GALNT13: variants seen among roughly 807,000 people sequenced by gnomAD.
GALNT13 encodes UDP-GalNAc:polypeptide N-acetylgalactosaminyltransferase 13.
A neutral mutation model predicts 64.2 loss-of-function variants in GALNT13; 28 were observed. That is an observed-to-expected ratio of 0.44 (90% CI 0.32 to 0.60). The LOEUF (loss-of-function observed/expected upper bound fraction) is 0.60, where lower values mean the gene tolerates loss of function less well. GALNT13 is among the 20% of genes least tolerant of loss of function. The probability of loss-of-function intolerance (pLI) is 0.05; values close to 1 mark genes in which losing one functional copy is unlikely to be tolerated. For missense variants in GALNT13, 577 were observed against 669.8 expected (o/e 0.86, Z 1.53); for synonymous variants, 214 against 224.6 (o/e 0.95, Z 0.42).
chr2:153,492,428 T>A, the GALNT13 span, among the ~76,000 whole-genome samples: 1 of 152,194 alleles, frequency 6.6e-6, no homozygotes, highest in African/African-American at 2.4e-5. Flanking sequence ...TGAAGAACAT[T>A]AGCTACAACT....
chr2:153,225,553 TTCAG>T, the GALNT13 span, among the ~76,000 whole-genome samples: 1 of 152,142 alleles, frequency 6.6e-6, no homozygotes, highest in African/African-American at 2.4e-5. Flanking sequence ...AAAGTTTATT[TTCAG>T]ATGACATGAT....
the GALNT13 span, among the ~76,000 whole-genome samples, chr2:153,374,903 C>A: frequency 1.3e-5 from 2 of 152,162 alleles, no homozygotes; most frequent in Admixed American, 6.6e-5. Flanking sequence ...ATTACCAATT[C>A]TCAGATATTG....
the GALNT13 span, among the ~76,000 whole-genome samples, chr2:153,732,430 C>T: frequency 6.6e-6 from 1 of 151,926 alleles, no homozygotes; most frequent in Non-Finnish European, 1.5e-5. Context: ...GGATCAGTTA[C>T]CACCACAGTT....
chr2:154,126,703 C>T (rs1239687674), intron 3 of GALNT13, among the ~76,000 whole-genome samples: 1 of 151,656 alleles, frequency 6.6e-6, no homozygotes, highest in African/African-American at 2.4e-5. Flanking sequence ...GGTAAATCCA[C>T]AATCTTGAGA....
the GALNT13 span, among the ~76,000 whole-genome samples, chr2:153,370,056 T>C: frequency 6.6e-6 from 1 of 152,186 alleles, no homozygotes; most frequent in African/African-American, 2.4e-5. Flanking sequence ...AATAAGGAGA[T>C]ACTACAAAGA....
At chr2:153,541,273 A>G in the GALNT13 span, among the ~76,000 whole-genome samples, 4 of 152,072 alleles carry the variant, frequency 2.6e-5, no homozygotes, top group Non-Finnish European at 4.4e-5. Flanking sequence ...TGAAGGAAGG[A>G]TGTGTTTGCT....
At chr2:153,394,814 A>G in the GALNT13 span, among the ~76,000 whole-genome samples, 5 of 152,168 alleles carry the variant, frequency 3.3e-5, no homozygotes, top group Non-Finnish European at 7.4e-5. Context: ...TAGAGAAAAC[A>G]AATTAATTAC....
the GALNT13 span, among the ~76,000 whole-genome samples, chr2:153,167,233 T>G: frequency 6.6e-6 from 1 of 152,334 alleles, no homozygotes; most frequent in Non-Finnish European, 1.5e-5. Context: ...ATATGTGGTA[T>G]CCATCCCAAC....
the GALNT13 span, among the ~76,000 whole-genome samples, chr2:153,497,242 A>C: frequency 6.6e-6 from 1 of 152,094 alleles, no homozygotes; most frequent in Non-Finnish European, 1.5e-5. Context: ...TAGTTGATAA[A>C]TGTTGCTCGA....
At chr2:153,324,552 G>GGGCA in the GALNT13 span, among the ~76,000 whole-genome samples, 1 of 152,172 alleles carries the variant, frequency 6.6e-6, no homozygotes. Flanking sequence ...TGGTGAGATA[G>GGGCA]GGCATCCTTC....
chr2:154,264,470 A>C lies in GALNT13; in HGVS notation c.975+5332A>C, dbSNP rs1432425898. Among the ~76,000 whole-genome samples, 7 of 36,426 alleles carry C rather than the reference A, an allele frequency of 1.9e-4. No individual in the cohort carries two copies. In the East Asian group the frequency reaches 0.031, roughly 161 times the overall value. 23.9% of individuals were successfully genotyped at this position (36,426 alleles called of 152,430 possible). Reference sequence around the variant, plus strand: ...ACTCTGTCCTTACTAAAAATACAAAAAAAAAAAAAAAAAAAAATTAGCTGG... The same window carrying C: ...ACTCTGTCCTTACTAAAAATACAAACAAAAAAAAAAAAAAAAATTAGCTGG... On this transcript the variant is annotated intron_variant, in intron 8 of 12. Transcript: ENST00000392825.
chr2:154,286,786 T>C, intron 8 of GALNT13: 1 of 326,646 alleles, frequency 3.1e-6, no homozygotes. Context: ...GAAACCAATT[T>C]TCTTTAACTG....
chr2:153,247,077 T>C, the GALNT13 span, among the ~76,000 whole-genome samples: 1 of 152,136 alleles, frequency 6.6e-6, no homozygotes, highest in African/African-American at 2.4e-5. Flanking sequence ...AAGGGATCAA[T>C]GCAACAAGAG....
chr2:153,655,512 G>T, the GALNT13 span, among the ~76,000 whole-genome samples: 1 of 152,006 alleles, frequency 6.6e-6, no homozygotes, highest in Non-Finnish European at 1.5e-5. Context: ...CCAATAAATC[G>T]ATCCAAACCA....
chr2:153,421,229 C>G, the GALNT13 span: 1 of 180,966 alleles, frequency 5.5e-6, no homozygotes, highest in African/African-American at 2.4e-5. Flanking sequence ...GAAGAGGGTA[C>G]CAGGTCGGTC....
At chr2:153,523,110 A>T in the GALNT13 span, among the ~76,000 whole-genome samples, 1 of 144,324 alleles carries the variant, frequency 6.9e-6, no homozygotes, top group Non-Finnish European at 1.5e-5. Context: ...TGTTGAAAAG[A>T]TTCTCCTTTC....
the GALNT13 span, among the ~76,000 whole-genome samples, chr2:153,693,264 CTT>C: frequency 6.6e-6 from 1 of 152,268 alleles, no homozygotes; most frequent in East Asian, 1.9e-4. Context: ...ACAATACAGA[CTT>C]TTGAATTTTG....
chr2:154,245,167 C>A (rs915856628), intron 6 of GALNT13, among the ~76,000 whole-genome samples: 2 of 150,710 alleles, frequency 1.3e-5, no homozygotes, highest in Admixed American at 1.3e-4. Context: ...ATTAAAGTTG[C>A]TTATCTTTCC....
chr2:153,302,295 T>C, the GALNT13 span, among the ~76,000 whole-genome samples: 1 of 152,168 alleles, frequency 6.6e-6, no homozygotes, highest in Non-Finnish European at 1.5e-5. Context: ...TTAATTCACA[T>C]TTCCTTGTTA....
Sources: allele counts gnomAD v4.1 joint callset (sites outside exome capture counted in the v4.1 genomes callset), GRCh38; gene constraint gnomAD v4.1.1; transcripts MANE v1.5; gene names NCBI Gene and HGNC (gene_info 2026-07-23, HGNC 2026-07-21).